The following CLIC5 variants were observed in gnomAD, a reference collection of about 807,000 sequenced individuals.
The protein encoded by CLIC5 is chloride intracellular channel protein 5.
CLIC5 carries 20 observed loss-of-function variants against 24.7 expected under a neutral mutation model. The ratio of observed to expected loss-of-function variants is 0.81; its 90% confidence interval spans 0.57 to 1.18. The LOEUF is 1.18. Ranked by LOEUF, CLIC5 falls within the 50% of genes most tolerant of loss-of-function variation. CLIC5 has a pLI of 0.00. For missense variants in CLIC5, 341 were observed against 326.1 expected, an observed-to-expected ratio of 1.05 and a Z score of -0.35; for synonymous variants, 159 against 135.6, an observed-to-expected ratio of 1.17 and a Z score of -1.20.
chr6:46,029,285 GT>G (rs1180691127), intron 1 of CLIC5, among the ~76,000 whole-genome samples: 2 of 152,180 alleles, frequency 1.3e-5, no homozygotes, highest in African/African-American at 4.8e-5. Flanking sequence ...GGCTTTCTAA[GT>G]TCAGGCTCTC....
At chr6:46,005,226 C>T (rs1335370115) in intron 1 of CLIC5, among the ~76,000 whole-genome samples, 1 of 152,238 alleles carries the variant, frequency 6.6e-6, no homozygotes, top group African/African-American at 2.4e-5. Context: ...ACTGCACATC[C>T]TCCCCTCCTT....
intron 1 of CLIC5, among the ~76,000 whole-genome samples, chr6:45,970,499 G>A (rs995229511): frequency 6.6e-6 from 1 of 152,200 alleles, no homozygotes; most frequent in Non-Finnish European, 1.5e-5. Context: ...AAATGGCAGA[G>A]TAAGGCAGGA....
intron 1 of CLIC5, among the ~76,000 whole-genome samples, chr6:45,988,513 C>T (rs1765819047): frequency 6.6e-6 from 1 of 152,152 alleles, no homozygotes; most frequent in Non-Finnish European, 1.5e-5. Flanking sequence ...GTCAAGTTGA[C>T]ATGAATTAAC....
chr6:45,980,014 A>C (rs925792171), intron 1 of CLIC5, among the ~76,000 whole-genome samples: 3 of 81,460 alleles, frequency 3.7e-5, no homozygotes, highest in African/African-American at 1.5e-4. Flanking sequence ...GTTTTCTTCT[A>C]GGAATTTTAT....
chr6:45,895,734 G>T (rs912147853), downstream of CLIC5, among the ~76,000 whole-genome samples: 4 of 152,220 alleles, frequency 2.6e-5, no homozygotes, highest in Non-Finnish European at 5.9e-5. Context: ...AGCTTAGTTT[G>T]TAATTGGGGA....
chr6:46,098,086 C>T, the CLIC5 span, among the ~76,000 whole-genome samples: 2 of 152,156 alleles, frequency 1.3e-5, no homozygotes, highest in African/African-American at 4.8e-5. Context: ...TAAAAATTCT[C>T]TCCTGGTGAT....
At chr6:45,961,208 A>G (rs1462315649) in intron 1 of CLIC5, among the ~76,000 whole-genome samples, 2 of 152,242 alleles carry the variant, frequency 1.3e-5, no homozygotes, top group East Asian at 1.9e-4. Flanking sequence ...CTTACGTCAC[A>G]TTTCCACTTT....
At chr6:45,897,925 T>A (rs1010184119), downstream of CLIC5, among the ~76,000 whole-genome samples, 2 of 152,252 alleles carry the variant, frequency 1.3e-5, no homozygotes, top group African/African-American at 4.8e-5. Flanking sequence ...ATCAGTATAA[T>A]TTTTTACCTA....
the CLIC5 span, among the ~76,000 whole-genome samples, chr6:46,129,003 C>T: frequency 6.6e-6 from 1 of 152,216 alleles, no homozygotes; most frequent in African/African-American, 2.4e-5. Context: ...AGGTCCAGTA[C>T]TGCAGTTTAC....
chr6:46,075,412 C>G (rs1762738407), intron 1 of CLIC5, among the ~76,000 whole-genome samples: 1 of 151,836 alleles, frequency 6.6e-6, no homozygotes, highest in Non-Finnish European at 1.5e-5. Context: ...TACAAACAAA[C>G]AAACAAACAA....
At chr6:45,936,104 G>A (rs80335710) in intron 4 of CLIC5, among the ~76,000 whole-genome samples, 3,168 of 150,536 alleles carry the variant, frequency 0.021, 120 homozygotes, top group African/African-American at 0.074. Context: ...ATCATCTAAA[G>A]ATGTATAACC....
intron 4 of CLIC5, among the ~76,000 whole-genome samples, chr6:45,933,964 A>G (rs1229646430): frequency 2.0e-5 from 3 of 152,250 alleles, no homozygotes; most frequent in Non-Finnish European, 2.9e-5. Context: ...TGGAGTCTAC[A>G]GCAGCCTGAA....
the CLIC5 span, among the ~76,000 whole-genome samples, chr6:46,107,651 ATGT>A: frequency 6.6e-6 from 1 of 152,238 alleles, no homozygotes; most frequent in Admixed American, 6.5e-5. Context: ...AGGCAGGAAA[ATGT>A]GGGTTTCGTT....
chr6:45,986,721 G>C (rs542288227), intron 1 of CLIC5, among the ~76,000 whole-genome samples: 2 of 152,286 alleles, frequency 1.3e-5, no homozygotes, highest in African/African-American at 4.8e-5. Flanking sequence ...GGTTTTCAGA[G>C]CTGAGATTTC....
At chr6:46,086,394 T>C in the CLIC5 span, among the ~76,000 whole-genome samples, 5 of 152,146 alleles carry the variant, frequency 3.3e-5, no homozygotes, top group Non-Finnish European at 5.9e-5. Flanking sequence ...TTGGCTGCCC[T>C]TCGTGAATGT....
At chr6:45,982,027 A>T (rs1477659755) in intron 1 of CLIC5, among the ~76,000 whole-genome samples, 1 of 151,892 alleles carries the variant, frequency 6.6e-6, no homozygotes, top group Non-Finnish European at 1.5e-5. Context: ...AGAAAGAAAT[A>T]TAGGGGACAG....
intron 1 of CLIC5, among the ~76,000 whole-genome samples, chr6:46,024,467 G>A (rs566275898): frequency 5.9e-5 from 9 of 152,230 alleles, no homozygotes; most frequent in African/African-American, 1.9e-4. Flanking sequence ...ACTAGGGTAT[G>A]TTCCTAGAGC....
upstream of CLIC5, among the ~76,000 whole-genome samples, chr6:46,017,857 G>T (rs1431855429): frequency 6.6e-6 from 1 of 152,178 alleles, no homozygotes; most frequent in Admixed American, 6.5e-5. Context: ...ACCCTTTATG[G>T]CAGGCTGTGT....
At chr6:45,991,201 G>A (rs940121706) in intron 1 of CLIC5, among the ~76,000 whole-genome samples, 1 of 152,226 alleles carries the variant, frequency 6.6e-6, no homozygotes, top group African/African-American at 2.4e-5. Flanking sequence ...GCCTAAATCA[G>A]TTGCTTTTGA....
Sources: gnomAD v4.1 joint callset for allele counts (sites outside exome capture counted in the v4.1 genomes callset) on GRCh38, gnomAD v4.1.1 for gene constraint, MANE v1.5 for transcripts, NCBI Gene and HGNC (gene_info 2026-07-23, HGNC 2026-07-21) for gene names.